LYRM4: variants seen among roughly 807,000 people sequenced by gnomAD.
LYRM4 encodes LYR motif containing 4, also known as LYR motif-containing protein 4.
In LYRM4, 9 loss-of-function variants were observed where a neutral mutation model predicts 11.7. The ratio of observed to expected loss-of-function variants is 0.77; its 90% CI spans 0.46 to 1.34. LYRM4 has a LOEUF of 1.34. Ranked by LOEUF, LYRM4 falls within the 40% of genes most tolerant of loss-of-function variation. The pLI, the probability that LYRM4 is intolerant of heterozygous loss-of-function variation, is 0.00. For synonymous variants in LYRM4, 42 were observed against 40.4 expected, an observed-to-expected ratio of 1.04 and a Z score of -0.15; for missense variants, 133 against 112.5, an observed-to-expected ratio of 1.18 and a Z score of -0.82.
chr6:5,213,194 C>T (rs1762075680), intron 2 of LYRM4, among the ~76,000 whole-genome samples: 1 of 152,226 alleles, frequency 6.6e-6, no homozygotes, highest in Admixed American at 6.5e-5. Flanking sequence ...GACCTGAGCT[C>T]ACGCCTGGCC....
chr6:5,249,582 A>G (rs1220920422), intron 1 of LYRM4, among the ~76,000 whole-genome samples: 1 of 152,202 alleles, frequency 6.6e-6, no homozygotes, highest in Non-Finnish European at 1.5e-5. Flanking sequence ...CTATGAAACC[A>G]CACAGATGAT....
At chr6:5,068,369 G>A in the LYRM4 span, among the ~76,000 whole-genome samples, 2 of 152,094 alleles carry the variant, frequency 1.3e-5, no homozygotes, top group African/African-American at 4.8e-5. This position sits in a 1 kb window ranked among gnomAD's most constrained non-coding sequence, Gnocchi z 4.0. Flanking sequence ...CCAGCACGCC[G>A]GCCCCTCACC....
chr6:5,086,425 G>A, the LYRM4 span: 3 of 1,536,478 alleles, frequency 2.0e-6, no homozygotes, highest in Middle Eastern at 1.7e-4. Flanking sequence ...GCAGCCTGAG[G>A]ACGAAGAGGA....
At position 5,121,134 on chromosome 6, in the gene LYRM4, T is replaced by A. The variant is rs570525269; in HGVS notation, c.208-11643A>T. Among the ~76,000 whole-genome samples the A allele has an allele frequency of 2.2e-4, 33 of 152,234 alleles. 1 individual carries two copies. Among genetic ancestry groups the A allele is most frequent in the Admixed American group, 2.1e-3 (32 of 15,286 alleles). On this transcript the variant is annotated intron_variant, in intron 2 of 2. Coordinates refer to ENST00000330636, the MANE Select transcript of LYRM4 (RefSeq NM_020408.6). ...CACCCCTGCCCTGCAATGGAGTGCA[T>A]ACTTTTCCAAAAAACAAGCAAAAAA...
At chr6:5,254,230 C>T (rs73363078) in intron 1 of LYRM4, among the ~76,000 whole-genome samples, 68 of 152,280 alleles carry the variant, frequency 4.5e-4, no homozygotes, top group East Asian at 2.7e-3. Flanking sequence ...ACAAGTTGAA[C>T]GAATTGGCCT....
the LYRM4 span, among the ~76,000 whole-genome samples, chr6:5,081,220 C>A: frequency 2.0e-5 from 3 of 149,428 alleles, no homozygotes; most frequent in Admixed American, 1.4e-4. Context: ...AACTTCAGGG[C>A]TTTGCATCTC....
chr6:5,192,751 C>T (rs934186969), intron 2 of LYRM4, among the ~76,000 whole-genome samples: 4 of 152,210 alleles, frequency 2.6e-5, no homozygotes, highest in Non-Finnish European at 4.4e-5. Flanking sequence ...TAGGGCCTGG[C>T]GCGGTGGCCC....
At chr6:5,119,605 GA>G (rs940454560) in intron 2 of LYRM4, among the ~76,000 whole-genome samples, 1 of 151,894 alleles carries the variant, frequency 6.6e-6, no homozygotes, top group Non-Finnish European at 1.5e-5. Context: ...TGACCAATGT[GA>G]CAAGACCCCG....
intron 2 of LYRM4, among the ~76,000 whole-genome samples, chr6:5,118,806 T>C (rs1763266125): frequency 6.6e-6 from 1 of 152,224 alleles, no homozygotes; most frequent in Non-Finnish European, 1.5e-5. Context: ...AAACCCAAAC[T>C]TACGAATATC....
chr6:5,084,041 G>A, the LYRM4 span, among the ~76,000 whole-genome samples: 1 of 152,154 alleles, frequency 6.6e-6, no homozygotes, highest in Non-Finnish European at 1.5e-5. Context: ...AGGCTGAGGC[G>A]GGAGGACTGC....
intron 1 of LYRM4, among the ~76,000 whole-genome samples, chr6:5,251,730 C>A (rs557298025): frequency 1.3e-5 from 2 of 152,314 alleles, no homozygotes; most frequent in South Asian, 4.1e-4. Flanking sequence ...AGACAACATC[C>A]AAACTGTATC....
At chr6:5,073,792 T>C in the LYRM4 span, among the ~76,000 whole-genome samples, 1 of 152,132 alleles carries the variant, frequency 6.6e-6, no homozygotes, top group Non-Finnish European at 1.5e-5. Context: ...GCAAGAGACC[T>C]AATCACAGAA....
chr6:5,105,908 GA>G (rs1762650574), downstream of LYRM4: 1 of 152,380 alleles, frequency 6.6e-6, no homozygotes, highest in Admixed American at 6.5e-5. Flanking sequence ...GGCCGTCCAC[GA>G]TGTGGAAAGA....
At chr6:5,066,316 A>G in the LYRM4 span, 12 of 714,836 alleles carry the variant, frequency 1.7e-5, no homozygotes, top group East Asian at 2.6e-5. Context: ...ATTTAGTTCT[A>G]TTCGTCCAAA....
intron 2 of LYRM4, among the ~76,000 whole-genome samples, chr6:5,156,462 C>A (rs1374096962): frequency 6.6e-6 from 1 of 152,198 alleles, no homozygotes; most frequent in South Asian, 2.1e-4. Flanking sequence ...ACAGTGGCAG[C>A]CAATCCACTG....
chr6:5,082,595 G>T, the LYRM4 span, among the ~76,000 whole-genome samples: 2 of 152,152 alleles, frequency 1.3e-5, no homozygotes, highest in Non-Finnish European at 1.5e-5. Context: ...TCTTAAGTAT[G>T]ATCACCCTTC....
the LYRM4 span, among the ~76,000 whole-genome samples, chr6:5,048,299 GTGTGT>G: frequency 1.6e-5 from 2 of 127,950 alleles, no homozygotes; most frequent in African/African-American, 4.8e-5. Context: ...TGGTGTGTGT[GTGTGT>G]GTGTGTGTGT....
intron 2 of LYRM4, among the ~76,000 whole-genome samples, chr6:5,118,843 G>A (rs1324957370): frequency 1.3e-5 from 2 of 152,172 alleles, no homozygotes; most frequent in Admixed American, 6.5e-5. Context: ...TCTAAAAATA[G>A]CCCTCAGTCC....
At chr6:5,207,655 C>A (rs1761772763) in intron 2 of LYRM4, among the ~76,000 whole-genome samples, 1 of 152,178 alleles carries the variant, frequency 6.6e-6, no homozygotes, top group African/African-American at 2.4e-5. Flanking sequence ...GGAGCTGTAG[C>A]CTTCAGATCT....
Sources: allele counts gnomAD v4.1 joint callset (sites outside exome capture counted in the v4.1 genomes callset), GRCh38; gene constraint gnomAD v4.1.1; non-coding constraint Gnocchi (gnomAD v3.1); transcripts MANE v1.5; gene names NCBI Gene and HGNC (gene_info 2026-07-23, HGNC 2026-07-21).